The following ADAMTS14 variants were observed in gnomAD, a reference collection of about 807,000 sequenced individuals.
ADAMTS14 encodes the protein ADAM metallopeptidase with thrombospondin type 1 motif 14.
A neutral mutation model predicts 128.6 loss-of-function variants in ADAMTS14; 100 were observed. The ratio of observed to expected loss-of-function variants is 0.78; its 90% CI spans 0.66 to 0.92. The LOEUF is 0.92. ADAMTS14 is among the 40% of genes least tolerant of loss of function. The pLI is 0.00. For synonymous variants in ADAMTS14, 665 were observed against 653.8 expected, an observed-to-expected ratio of 1.02 and a Z score of -0.26; for missense variants, 1,562 against 1,658.6, an observed-to-expected ratio of 0.94 and a Z score of 1.01.
At chr10:70,697,834 C>T (rs142700733) in intron 2 of ADAMTS14, among the ~76,000 whole-genome samples, 137 of 152,296 alleles carry the variant, frequency 9.0e-4, no homozygotes, top group African/African-American at 3.2e-3. Context: ...GCCTGGAGAC[C>T]TCTGGATGAA....
At chr10:70,688,852 AGG>A (rs1564521503) in intron 2 of ADAMTS14, among the ~76,000 whole-genome samples, 1 of 4,540 alleles carries the variant, frequency 2.2e-4, no homozygotes, top group East Asian at 0.05. Flanking sequence ...CCGGAGGGGG[AGG>A]GGGAGGGGGA....
intron 2 of ADAMTS14, among the ~76,000 whole-genome samples, chr10:70,700,747 G>A (rs1840468721): frequency 6.6e-6 from 1 of 152,214 alleles, no homozygotes; most frequent in South Asian, 2.1e-4. Context: ...TGGGACACGT[G>A]TCCACACTTC....
rs145157750 is a variant in ADAMTS14 at position 70,722,663 on chromosome 10, T to C, written c.871-6631T>C. On this transcript the variant is annotated intron_variant, in intron 4 of 21. Transcript: ENST00000373207. Reference sequence around the variant, plus strand: ...GAAGTGTTAAAAAACATACCCCAAATCCCCAAACCATGGGGGTGTGTTTAC... The same window carrying C: ...GAAGTGTTAAAAAACATACCCCAAACCCCCAAACCATGGGGGTGTGTTTAC... 1.1e-3 allele frequency among the ~76,000 whole-genome samples: 162 copies of C among 151,778 alleles called. 1 individual carries two copies. Among genetic ancestry groups the C allele is most frequent in the African/African-American group, 3.8e-3 (157 of 41,336 alleles).
chr10:70,709,770 G>T (rs1356570169), intron 4 of ADAMTS14, among the ~76,000 whole-genome samples: 2 of 152,250 alleles, frequency 1.3e-5, no homozygotes, highest in Non-Finnish European at 2.9e-5. Context: ...AAAGTGCTGG[G>T]ATTACAGGCG....
At chr10:70,742,646 G>A (rs149583509) in intron 12 of ADAMTS14, among the ~76,000 whole-genome samples, 377 of 152,348 alleles carry the variant, frequency 2.5e-3, no homozygotes, top group African/African-American at 8.8e-3. Flanking sequence ...AGCAGCCACA[G>A]CGTTGGGGAG....
chr10:70,748,942 A>G (rs761200240), intron 15 of ADAMTS14, among the ~76,000 whole-genome samples: 1 of 152,206 alleles, frequency 6.6e-6, no homozygotes, highest in Non-Finnish European at 1.5e-5. Context: ...AGGTGTTGGC[A>G]TCTACATGTC....
intron 15 of ADAMTS14, 110 bp from the exon 16 acceptor site, chr10:70,749,712 T>C: frequency 7.3e-7 from 1 of 1,368,930 alleles, no homozygotes; most frequent in Non-Finnish European, 9.9e-7. Context: ...GAAAGGCCGG[T>C]GGACAGGAGC....
In ADAMTS14 at chr10:70,730,232, A is replaced by G; in HGVS notation, c.1085A>G (p.Gln362Arg). 6.2e-7 allele frequency: 1 copy of G among 1,614,096 alleles called. No homozygotes were observed. The highest frequency in any genetic ancestry group is 8.5e-7 in the Non-Finnish European group (1 of 1,179,968). The change falls in exon 6 of 22, where the codon CAG becomes CGG. Residue 362 changes from glutamine (Q) to arginine (R), a missense_variant. Coordinates refer to ENST00000373207, the MANE Select transcript of ADAMTS14 (RefSeq NM_080722.4). ...HHDHVVFLTR[Q>R]DFGPSGYAPV... ...GACCACGTTGTGTTCCTCACCCGGCAGGACTTTGGGCCCTCAGGTATGCAA... is the reference window on the plus strand; with the variant it reads ...GACCACGTTGTGTTCCTCACCCGGCGGGACTTTGGGCCCTCAGGTATGCAA...
chr10:70,733,843 C>A (rs1589313995), intron 7 of ADAMTS14, 42 bp from the exon 8 acceptor site: 3 of 1,588,430 alleles, frequency 1.9e-6, no homozygotes, highest in Non-Finnish European at 2.6e-6. Context: ...CCGGGGCAGG[C>A]TCCTGGGATG....
chr10:70,674,395 G>C (rs1178078313), intron 1 of ADAMTS14, among the ~76,000 whole-genome samples, 161 bp from the exon 2 acceptor site: 1 of 152,188 alleles, frequency 6.6e-6, no homozygotes, highest in Non-Finnish European at 1.5e-5. Flanking sequence ...GAATCCTGGA[G>C]CTCAGGAAGC....
chr10:70,754,030 G>C, intron 19 of ADAMTS14, 23 bp downstream of exon 19: 1 of 1,521,902 alleles, frequency 6.6e-7, no homozygotes, highest in Non-Finnish European at 8.8e-7. Flanking sequence ...CAGGAGGTGG[G>C]AGGGGCTTGG....
At chr10:70,679,313 G>C (rs904755344) in intron 2 of ADAMTS14, among the ~76,000 whole-genome samples, 1 of 152,202 alleles carries the variant, frequency 6.6e-6, no homozygotes, top group South Asian at 2.1e-4. Context: ...GCCTGGTCCT[G>C]CCTGCAAAGT....
At chr10:70,749,086 C>T (rs1313020036) in intron 15 of ADAMTS14, among the ~76,000 whole-genome samples, 2 of 152,184 alleles carry the variant, frequency 1.3e-5, no homozygotes, top group East Asian at 3.8e-4. Context: ...GGGCTGAGGA[C>T]ACCAAGATGG....
chr10:70,735,146 A>T, intron 8 of ADAMTS14, 23 bp from the exon 9 acceptor site: 1 of 1,600,328 alleles, frequency 6.2e-7, no homozygotes, highest in African/African-American at 1.3e-5. Context: ...AGCCTGGCTC[A>T]CCTTCCTTGT....
intron 15 of ADAMTS14, among the ~76,000 whole-genome samples, 186 bp from the exon 16 acceptor site, chr10:70,749,636 T>TGTGC (rs1491491341): frequency 0.024 from 3,434 of 145,998 alleles, 73 homozygotes; most frequent in South Asian, 0.058. Flanking sequence ...TGTGTGTGTG[T>TGTGC]GCGCGCACGT....
intron 15 of ADAMTS14, among the ~76,000 whole-genome samples, chr10:70,748,406 G>A (rs1403144642): frequency 2.0e-5 from 3 of 152,248 alleles, no homozygotes; most frequent in Non-Finnish European, 4.4e-5. Context: ...GTCTGGAGCT[G>A]CTGGGGACTG....
rs74434486 is a variant in ADAMTS14 at position 70,748,056 on chromosome 10, C to G, written c.2264-1766C>G. Among the ~76,000 whole-genome samples the G allele has an allele frequency of 6.4e-3, 975 of 152,088 alleles. 11 individuals are homozygous for G. Among genetic ancestry groups the G allele is most frequent in the African/African-American group, 0.023 (947 of 41,454 alleles). On this transcript the variant is annotated intron_variant, in intron 15 of 21. Transcript: ENST00000373207. ...AAGTGTAGGGAAGAGAAGGAGAACT[C>G]ATGCTGTTAATATCTCCCATGCGCT...
At chr10:70,729,956 T>C (rs1448322165) in intron 5 of ADAMTS14, 146 bp from the exon 6 acceptor site, 1 of 920,748 alleles carries the variant, frequency 1.1e-6, no homozygotes, top group Non-Finnish European at 1.6e-6. Flanking sequence ...CAGCAGCAGT[T>C]GAGTGGGGAC....
intron 4 of ADAMTS14, among the ~76,000 whole-genome samples, chr10:70,717,713 C>A (rs1253674243): frequency 6.6e-6 from 1 of 152,086 alleles, no homozygotes; most frequent in Non-Finnish European, 1.5e-5. Context: ...ACAGAGAGGC[C>A]CTTTCATCAT....
Sources: gnomAD v4.1 joint callset for allele counts (sites outside exome capture counted in the v4.1 genomes callset) on GRCh38, gnomAD v4.1.1 for gene constraint, MANE v1.5 for transcripts, NCBI Gene and HGNC (gene_info 2026-07-23, HGNC 2026-07-21) for gene names.